The following ALK variants were observed in gnomAD, a reference collection of about 807,000 sequenced individuals.
The protein encoded by ALK is ALK tyrosine kinase receptor.
In ALK, 74 loss-of-function variants were observed where a neutral mutation model predicts 163.1. The observed-to-expected ratio is 0.45, with a 90% CI of 0.38 to 0.55. The LOEUF (loss-of-function observed/expected upper bound fraction) is 0.55, where lower values mean the gene tolerates loss of function less well. Ranked by LOEUF, ALK falls within the 20% of genes least tolerant of loss-of-function variation. The pLI is 0.00. For synonymous variants in ALK, 960 were observed against 843.2 expected (o/e 1.14, Z -2.40); for missense variants, 2,063 against 2,105.3 (o/e 0.98, Z 0.39).
intron 4 of ALK, among the ~76,000 whole-genome samples, chr2:29,483,556 G>C (rs1671715319): frequency 6.6e-6 from 1 of 152,210 alleles, no homozygotes. Flanking sequence ...AAAGCCCCAA[G>C]ACAGTTCATC....
At chr2:29,522,909 G>A (rs1237282134) in intron 4 of ALK, among the ~76,000 whole-genome samples, 1 of 152,182 alleles carries the variant, frequency 6.6e-6, no homozygotes, top group Non-Finnish European at 1.5e-5. Context: ...GTGAAAGCGA[G>A]GGGAGAGCCT....
chr2:29,484,504 C>T (rs1671735422), intron 4 of ALK, among the ~76,000 whole-genome samples: 1 of 152,112 alleles, frequency 6.6e-6, no homozygotes, highest in Admixed American at 6.5e-5. Context: ...AGACTGAACA[C>T]CACTTCCAGT....
At chr2:29,253,858 A>G (rs908714661) in intron 11 of ALK, among the ~76,000 whole-genome samples, 1 of 140,680 alleles carries the variant, frequency 7.1e-6, no homozygotes, top group African/African-American at 2.8e-5. Context: ...ATAGATAGAT[A>G]GATAGATAGA....
intron 3 of ALK, among the ~76,000 whole-genome samples, chr2:29,666,816 G>A (rs1237511816): frequency 6.6e-6 from 1 of 151,704 alleles, no homozygotes; most frequent in African/African-American, 2.4e-5. Context: ...TTCTATATAT[G>A]TATATATTCT....
intron 20 of ALK, among the ~76,000 whole-genome samples, chr2:29,222,839 C>G (rs1669844121): frequency 6.6e-6 from 1 of 152,154 alleles, no homozygotes; most frequent in Non-Finnish European, 1.5e-5. Context: ...TGACAATGGT[C>G]AAATGTTTAT....
chr2:29,457,732 A>AT (rs1304956868), intron 4 of ALK, among the ~76,000 whole-genome samples: 2 of 152,146 alleles, frequency 1.3e-5, no homozygotes, highest in East Asian at 3.9e-4. Flanking sequence ...AGAGTCTACT[A>AT]TTTGTCAGAC....
intron 3 of ALK, among the ~76,000 whole-genome samples, chr2:29,548,181 A>G (rs1253794951): frequency 6.6e-6 from 1 of 152,122 alleles, no homozygotes; most frequent in African/African-American, 2.4e-5. Context: ...AAGTAATAAG[A>G]GTTAAGTCAC....
At chr2:29,864,775 C>T (rs1252068330) in intron 1 of ALK, among the ~76,000 whole-genome samples, 2 of 152,104 alleles carry the variant, frequency 1.3e-5, no homozygotes, top group Non-Finnish European at 2.9e-5. Context: ...ACCTCCAGTC[C>T]CAGGGTGCCT....
At chr2:29,513,033 A>T (rs1280483608) in intron 4 of ALK, among the ~76,000 whole-genome samples, 2 of 151,564 alleles carry the variant, frequency 1.3e-5, no homozygotes, top group East Asian at 1.9e-4. Flanking sequence ...TTCCATGCTC[A>T]TGGGTAGGAA....
At chr2:29,359,224 C>T (rs547370086) in intron 5 of ALK, among the ~76,000 whole-genome samples, 1 of 152,306 alleles carries the variant, frequency 6.6e-6, no homozygotes, top group East Asian at 1.9e-4. Flanking sequence ...CCAGCTGGGA[C>T]TAGTGTCATT....
intron 3 of ALK, among the ~76,000 whole-genome samples, chr2:29,561,109 G>A (rs978082451): frequency 2.0e-5 from 3 of 152,060 alleles, no homozygotes; most frequent in African/African-American, 7.2e-5. Flanking sequence ...TAAATAAAAT[G>A]TATTATTAAA....
intron 1 of ALK, among the ~76,000 whole-genome samples, chr2:29,838,540 G>A (rs192526542): frequency 6.6e-6 from 1 of 152,196 alleles, no homozygotes; most frequent in African/African-American, 2.4e-5. Flanking sequence ...ATCAACAGGA[G>A]AATGCACAAA....
At chr2:29,389,962 A>G (rs1490462884) in intron 4 of ALK, among the ~76,000 whole-genome samples, 5 of 152,178 alleles carry the variant, frequency 3.3e-5, no homozygotes, top group Non-Finnish European at 7.3e-5. Context: ...GTTCTCTCCA[A>G]TGCAGGTCAG....
chr2:29,340,058 T>C (rs1667744339), intron 5 of ALK, among the ~76,000 whole-genome samples: 1 of 152,252 alleles, frequency 6.6e-6, no homozygotes, highest in African/African-American at 2.4e-5. Flanking sequence ...AACATTTATC[T>C]TCATTGCTTT....
At chr2:29,892,531 C>A (rs1453193182) in intron 1 of ALK, among the ~76,000 whole-genome samples, 1 of 152,162 alleles carries the variant, frequency 6.6e-6, no homozygotes, top group Admixed American at 6.5e-5. Flanking sequence ...CTGCACTAAA[C>A]CCTGTGCTAA....
Position 29,318,425 on chromosome 2 carries a change from C to G in ALK, c.1547-21G>C, listed in dbSNP as rs192649529. ...ATGGTCTAGGAGAGAGGAAAAGAAT[C>G]ACAAGCACGCCATTATCAGGAACTG... is the stretch of plus-strand genomic sequence containing the variant. On this transcript the variant is annotated intron_variant, in intron 7 of 28. Coordinates refer to ENST00000389048, the MANE Select transcript of ALK (RefSeq NM_004304.5). 6 of 1,552,678 alleles carry G rather than the reference C, an allele frequency of 3.9e-6. No individual in the cohort carries two copies. In the African/African-American group the frequency reaches 8.1e-5, roughly 21 times the overall value.
At chr2:29,590,994 C>A (rs1374314908) in intron 3 of ALK, among the ~76,000 whole-genome samples, 1 of 143,164 alleles carries the variant, frequency 7.0e-6, no homozygotes, top group Admixed American at 7.4e-5. Flanking sequence ...TGGCATGAAC[C>A]TGGGAGGCGG....
chr2:29,691,957 A>C (rs1009983844), intron 3 of ALK, among the ~76,000 whole-genome samples: 3 of 152,138 alleles, frequency 2.0e-5, no homozygotes, highest in African/African-American at 7.2e-5. Context: ...CTGGAATATA[A>C]ATTTTTAAAA....
At chr2:29,472,863 G>T (rs1573383045) in intron 4 of ALK, among the ~76,000 whole-genome samples, 1 of 109,552 alleles carries the variant, frequency 9.1e-6, no homozygotes, top group Non-Finnish European at 2.3e-5. Context: ...AATTAAAGAA[G>T]ATCTGATAAA....
Sources: allele counts gnomAD v4.1 joint callset (sites outside exome capture counted in the v4.1 genomes callset), GRCh38; gene constraint gnomAD v4.1.1; transcripts MANE v1.5; gene names NCBI Gene and HGNC (gene_info 2026-07-23, HGNC 2026-07-21).